The following TEX36 variants were observed in gnomAD, a reference collection of about 807,000 sequenced individuals.
TEX36 encodes the protein testis expressed 36.
Under a neutral mutation model 13.6 loss-of-function variants are expected in TEX36, and 12 were observed. The ratio of observed to expected loss-of-function variants is 0.88; its 90% confidence interval spans 0.56 to 1.43. TEX36 has a LOEUF of 1.43. Among genes scored for constraint, TEX36 ranks in the 40% most tolerant of loss-of-function variants. The probability of loss-of-function intolerance (pLI) is 0.00; values close to 1 mark genes in which losing one functional copy is unlikely to be tolerated. For synonymous variants in TEX36, 93 were observed against 83.0 expected (o/e 1.12, Z -0.65); for missense variants, 224 against 228.3 (o/e 0.98, Z 0.12).
chr10:125,646,897 T>C (rs1846777823), intron 3 of TEX36, among the ~76,000 whole-genome samples: 1 of 152,182 alleles, frequency 6.6e-6, no homozygotes, highest in South Asian at 2.1e-4. Flanking sequence ...TGGCAAATTC[T>C]ATAGGTATTT....
intron 3 of TEX36, among the ~76,000 whole-genome samples, chr10:125,584,218 C>T (rs949454866): frequency 1.3e-5 from 2 of 152,238 alleles, no homozygotes; most frequent in African/African-American, 4.8e-5. Flanking sequence ...CCAGGCAAGA[C>T]CAGCAGAATC....
intron 1 of TEX36, among the ~76,000 whole-genome samples, chr10:125,675,008 G>T (rs944572641): frequency 6.6e-6 from 1 of 152,260 alleles, no homozygotes; most frequent in African/African-American, 2.4e-5. Context: ...CTTAGAGCCA[G>T]CAGGGGAGAA....
chr10:125,624,990 C>T (rs1846469265), intron 3 of TEX36, among the ~76,000 whole-genome samples: 1 of 152,148 alleles, frequency 6.6e-6, no homozygotes, highest in South Asian at 2.1e-4. Context: ...AGAACAAATA[C>T]AAGCAAAACA....
downstream of TEX36, among the ~76,000 whole-genome samples, chr10:125,654,561 C>T (rs984705259): frequency 1.3e-5 from 2 of 152,010 alleles, no homozygotes; most frequent in African/African-American, 2.4e-5. Context: ...ACTTTACAAG[C>T]TTATTCTAAA....
At chr10:125,633,288 T>G (rs2133568899) in intron 3 of TEX36, among the ~76,000 whole-genome samples, 1 of 152,282 alleles carries the variant, frequency 6.6e-6, no homozygotes, top group East Asian at 1.9e-4. Flanking sequence ...ACTTTGGAAA[T>G]CCGTAGGGAT....
At chr10:125,657,910 T>C (rs965493748) in intron 3 of TEX36, among the ~76,000 whole-genome samples, 1 of 152,158 alleles carries the variant, frequency 6.6e-6, no homozygotes, top group Non-Finnish European at 1.5e-5. Flanking sequence ...AATATAATTA[T>C]TAAATATTTG....
At chr10:125,644,104 T>C (rs190209698) in intron 3 of TEX36, among the ~76,000 whole-genome samples, 1 of 152,246 alleles carries the variant, frequency 6.6e-6, no homozygotes, top group Non-Finnish European at 1.5e-5. Context: ...GAATCAAATA[T>C]TACACCCACA....
downstream of TEX36, among the ~76,000 whole-genome samples, chr10:125,616,751 T>C (rs1444246145): frequency 1.6e-5 from 2 of 127,334 alleles, no homozygotes; most frequent in Non-Finnish European, 3.3e-5. Flanking sequence ...CTGAAAAAAA[T>C]GTATATTCTG....
At chr10:125,669,556 G>A (rs979381573) in intron 1 of TEX36, among the ~76,000 whole-genome samples, 1 of 150,642 alleles carries the variant, frequency 6.6e-6, no homozygotes, top group African/African-American at 2.4e-5. Flanking sequence ...ATTTTCATTT[G>A]TTTTAAGAAT....
chr10:125,628,048 C>T (rs2133565228), intron 3 of TEX36, among the ~76,000 whole-genome samples: 1 of 152,220 alleles, frequency 6.6e-6, no homozygotes, highest in Middle Eastern at 3.4e-3. Flanking sequence ...AAAAATTATG[C>T]AATTTATTGG....
At chr10:125,587,473 C>T (rs1010975452) in intron 3 of TEX36, among the ~76,000 whole-genome samples, 3 of 152,150 alleles carry the variant, frequency 2.0e-5, no homozygotes, top group Non-Finnish European at 4.4e-5. Flanking sequence ...ACAATCAATG[C>T]TATCAGTTTC....
In TEX36 at chr10:125,683,136, G is replaced by A. The variant is rs1589795162; in HGVS notation, c.-147C>T. The A allele has an allele frequency of 2.1e-5, 19 of 924,714 alleles. No individual in the cohort carries two copies. In the East Asian group the frequency reaches 5.0e-4, roughly 24 times the overall value. 57.3% of individuals were successfully genotyped at this position (924,714 alleles called of 1,614,324 possible). A position where few individuals can be genotyped will look rare whatever the true frequency, so the allele number is the denominator to read the frequency against. On this transcript the variant is annotated 5_prime_UTR_variant, in exon 1 of 4. Coordinates refer to ENST00000368821, the MANE Select transcript of TEX36 (RefSeq NM_001128202.3). ...CCTTGTTCCTGATCTTTACTTCTCA[G>A]CCTCTTCCAGGAGGGGAAGGTGCGG...
intron 3 of TEX36, among the ~76,000 whole-genome samples, chr10:125,596,903 T>C (rs1308380252): frequency 6.6e-6 from 1 of 152,204 alleles, no homozygotes; most frequent in Non-Finnish European, 1.5e-5. Flanking sequence ...AGCAGTTGTG[T>C]AAATTTGTAA....
In TEX36 at chr10:125,625,412, A is replaced by G. The variant is rs1046943148; in HGVS notation, c.265-3767T>C. Among the ~76,000 whole-genome samples the G allele has an allele frequency of 1.9e-4, 29 of 152,208 alleles. 1 individual carries two copies. Among genetic ancestry groups the G allele is most frequent in the South Asian group, 2.1e-4 (1 of 4,832 alleles). On this transcript the variant is annotated intron_variant, in intron 3 of 3. Coordinates refer to the TEX36 transcript ENST00000526819. ...TGAGTAGAAGACAGAGAGTTGCCCA[A>G]ATTGAAGGTAAAAGTCAGATTTGAT...
chr10:125,648,569 G>A (rs1846807116), intron 3 of TEX36, among the ~76,000 whole-genome samples: 1 of 152,186 alleles, frequency 6.6e-6, no homozygotes, highest in African/African-American at 2.4e-5. Flanking sequence ...GAGCAGAAAA[G>A]CTGAAAATTC....
intron 3 of TEX36, among the ~76,000 whole-genome samples, chr10:125,598,719 A>G (rs1412250071): frequency 6.6e-6 from 1 of 152,230 alleles, no homozygotes; most frequent in African/African-American, 2.4e-5. Context: ...TAGGAAATCA[A>G]ATTCATTCAG....
rs1846327110 is a variant in TEX36 at position 125,614,171 on chromosome 10, C to G, written c.265-37297G>C. On this transcript the variant is annotated intron_variant, in intron 3 of 3. Coordinates refer to the TEX36 transcript ENST00000532135. ...AATTTGTTTGAGTTCATTGCAGATT[C>G]TGGATATTAGCCCTTTGTCAGATGA... 2.0e-5 allele frequency among the ~76,000 whole-genome samples: 3 copies of G among 152,094 alleles called. No homozygotes were observed. The South Asian group carries it at 6.2e-4, about 32-fold the overall frequency.
chr10:125,595,837 G>C (rs1846076201), intron 3 of TEX36, among the ~76,000 whole-genome samples: 1 of 152,144 alleles, frequency 6.6e-6, no homozygotes, highest in African/African-American at 2.4e-5. Flanking sequence ...GCATTACCTA[G>C]TTATTGTCTC....
At chr10:125,595,564 C>T (rs933488680) in intron 3 of TEX36, among the ~76,000 whole-genome samples, 7 of 152,328 alleles carry the variant, frequency 4.6e-5, no homozygotes, top group Admixed American at 3.3e-4. Context: ...TGCCTTCCCT[C>T]TGTGCTCCTC....
Sources: gnomAD v4.1 joint callset for allele counts (sites outside exome capture counted in the v4.1 genomes callset) on GRCh38, gnomAD v4.1.1 for gene constraint, MANE v1.5 for transcripts, NCBI Gene and HGNC (gene_info 2026-07-23, HGNC 2026-07-21) for gene names.